The following NDRG2 variants were observed in gnomAD, a reference collection of about 807,000 sequenced individuals.
NDRG2 encodes protein NDRG2.
NDRG2 carries 34 observed loss-of-function variants against 58.2 expected under a neutral mutation model. That is an observed-to-expected ratio of 0.58 (90% CI 0.44 to 0.78). The LOEUF is 0.78. Among genes scored for constraint, NDRG2 ranks in the 30% least tolerant of loss-of-function variants. The pLI is 0.00. For synonymous variants in NDRG2, 187 were observed against 175.9 expected (o/e 1.06, Z -0.50); for missense variants, 434 against 471.2 (o/e 0.92, Z 0.73).
At chr14:21,046,301 G>C (rs1885141510) in intron 1 of NDRG2, among the ~76,000 whole-genome samples, 1 of 152,186 alleles carries the variant, frequency 6.6e-6, no homozygotes, top group Admixed American at 6.5e-5. Context: ...AACCAGAGCA[G>C]CTTACTTGAG....
chr14:21,049,751 TCA>T (rs1297553236), intron 1 of NDRG2, among the ~76,000 whole-genome samples: 1 of 151,608 alleles, frequency 6.6e-6, no homozygotes, highest in African/African-American at 2.4e-5. Flanking sequence ...CAAATGGATC[TCA>T]GACATCTTTC....
chr14:21,051,947 C>A (rs946172266), intron 1 of NDRG2, among the ~76,000 whole-genome samples: 10 of 152,164 alleles, frequency 6.6e-5, no homozygotes, highest in Admixed American at 1.3e-4. Flanking sequence ...AAGAATGGGT[C>A]TTTGGGAGAT....
chr14:21,068,137 C>A lies in NDRG2; in HGVS notation c.24+2691G>T, dbSNP rs1029121260. Among the ~76,000 whole-genome samples the A allele has an allele frequency of 1.0e-3, 51 of 48,690 alleles. 20 individuals carry two copies. The highest frequency in any genetic ancestry group is 3.8e-3 in the Admixed American group (11 of 2,876). 31.9% of individuals were successfully genotyped at this position (48,690 alleles called of 152,430 possible). ...GCCTCAGCCTCCCGAGTAGCTGGGA[C>A]TACAGGCGCCCGCTACCACGCCCGG... On this transcript the variant is annotated intron_variant, in intron 1 of 14. Coordinates refer to the NDRG2 transcript ENST00000403829.
chr14:21,046,055 G>T (rs1239957554), intron 1 of NDRG2, among the ~76,000 whole-genome samples: 1 of 152,088 alleles, frequency 6.6e-6, no homozygotes, highest in African/African-American at 2.4e-5. Flanking sequence ...TTTCAAATAT[G>T]TATACTTCTT....
chr14:21,022,188 G>A lies in NDRG2; in HGVS notation c.224-6C>T. Reference sequence around the variant, plus strand: ...TGGCTGGAAGCAAGATTTATCTAAAGAGAACCCACATCACCTCAACAATAG... The same window carrying A: ...TGGCTGGAAGCAAGATTTATCTAAAAAGAACCCACATCACCTCAACAATAG... On this transcript the variant is annotated splice_region_variant and splice_polypyrimidine_tract_variant and intron_variant, in intron 4 of 15. Coordinates refer to ENST00000556147, the MANE Select transcript of NDRG2 (RefSeq NM_001320329.2). 1 of 1,614,150 alleles carries A rather than the reference G, an allele frequency of 6.2e-7. No individual in the cohort carries two copies.
upstream of NDRG2, among the ~76,000 whole-genome samples, chr14:21,028,135 T>C (rs1883818848): frequency 6.6e-6 from 1 of 152,200 alleles, no homozygotes; most frequent in South Asian, 2.1e-4. Context: ...CTCCAGGGAC[T>C]ATGCTCCTTC....
intron 1 of NDRG2, among the ~76,000 whole-genome samples, chr14:21,049,278 T>G (rs373371165): frequency 9.8e-5 from 15 of 152,324 alleles, no homozygotes; most frequent in Admixed American, 7.2e-4. Context: ...TTTCCCACCC[T>G]CTGATTCAGC....
At chr14:21,041,047 A>G (rs1884873799) in intron 1 of NDRG2, among the ~76,000 whole-genome samples, 1 of 152,082 alleles carries the variant, frequency 6.6e-6, no homozygotes, top group African/African-American at 2.4e-5. Flanking sequence ...GCTGGAGTGC[A>G]GTGGTGCAAT....
At chr14:21,018,976 AG>A (rs1361794526) in intron 11 of NDRG2, 139 bp downstream of exon 11, 80 of 1,248,104 alleles carry the variant, frequency 6.4e-5, no homozygotes, top group Non-Finnish European at 8.8e-5. Context: ...GAAGACCTAG[AG>A]GGAAGTGATT....
At chr14:21,022,237 C>G in intron 4 of NDRG2, 55 bp from the exon 5 acceptor site, 1 of 1,612,786 alleles carries the variant, frequency 6.2e-7, no homozygotes, top group Non-Finnish European at 8.5e-7. Context: ...CTCGTGTCCC[C>G]CAGTCAGAAC....
upstream of NDRG2, chr14:21,030,817 G>A (rs1884042221): frequency 1.3e-6 from 2 of 1,574,038 alleles, no homozygotes; most frequent in Admixed American, 3.5e-5. Context: ...GGCCACGGAA[G>A]GGTTCACGTG....
Position 21,017,508 on chromosome 14 carries a change from T to C in NDRG2, c.*88A>G. 1 of 1,427,788 alleles carries C rather than the reference T, an allele frequency of 7.0e-7. No homozygotes were observed. The highest frequency in any genetic ancestry group is 9.5e-7 in the Non-Finnish European group (1 of 1,057,544). The allele number at this position is 1,427,788 out of a possible 1,614,324, so 88.4% of individuals were successfully genotyped here. On this transcript the variant is annotated 3_prime_UTR_variant, in exon 16 of 16. Transcript: ENST00000556147. ...CATGATCTGCCCTTTTTCCCTTGCTTACGGTGGCCCAATGCCCCTTCAGCA... is the reference window on the plus strand; with the variant it reads ...CATGATCTGCCCTTTTTCCCTTGCTCACGGTGGCCCAATGCCCCTTCAGCA...
chr14:21,018,461 A>G lies in NDRG2; in HGVS notation c.857T>C (p.Leu286Pro), dbSNP rs751014851. 1 of 1,613,978 alleles carries G rather than the reference A, an allele frequency of 6.2e-7. No homozygotes were observed. The highest frequency in any genetic ancestry group is 8.5e-7 in the Non-Finnish European group (1 of 1,179,942). The change falls in exon 13 of 16, where the codon CTC becomes CCC. Residue 286 changes from leucine to proline, a missense_variant. By Grantham distance (98) the Leu-to-Pro change is moderately conservative. Transcript: ENST00000556147. ...SKLDPTQTSF[L>P]KMADSGGQPQ... ...GCCCAGGAACAGGTTACTGACCTTG[A>G]GGAACGAGGTCTGGGTGGGGTCCAG... is the stretch of plus-strand genomic sequence containing the variant.
Position 21,017,614 on chromosome 14 carries a change from G to A in NDRG2, c.1098C>T (p.Thr366=). 1 of 1,613,778 alleles carries A rather than the reference G, an allele frequency of 6.2e-7. No homozygotes were observed. Among genetic ancestry groups the A allele is most frequent in the African/African-American group, 1.3e-5 (1 of 75,052 alleles). The change falls in exon 16 of 16, where the codon ACC becomes ACT. Residue 366 remains threonine (T), a synonymous_variant. Transcript: ENST00000556147. ...GTLSSGPPGH[T]MEVSC is the part of the protein sequence containing the mutation. ...GGGCCATTCAACAGGAGACCTCCAT[G>A]GTGTGCCCCGGGGGCCCCGAAGAAA...
chr14:21,018,144 G>A, intron 14 of NDRG2, 60 bp downstream of exon 14: 1 of 1,606,548 alleles, frequency 6.2e-7, no homozygotes, highest in Non-Finnish European at 8.5e-7. Context: ...AAAGGGCAGA[G>A]CCCAGTGCCA....
At chr14:21,028,578 A>G (rs993222461), upstream of NDRG2, 1 of 152,156 alleles carries the variant, frequency 6.6e-6, no homozygotes, top group African/African-American at 2.4e-5. Context: ...AGTTAGTTGT[A>G]TAGGTCCTTG....
At chr14:21,022,711 G>A (rs541252775) in intron 3 of NDRG2, 153 bp downstream of exon 3, 4 of 708,190 alleles carry the variant, frequency 5.6e-6, no homozygotes, top group South Asian at 3.8e-5. Context: ...GAAGAGGAGG[G>A]GAAGGAAGGA....
At chr14:21,031,983 G>A in intron 1 of NDRG2, 1 of 1,614,176 alleles carries the variant, frequency 6.2e-7, no homozygotes, top group South Asian at 1.1e-5. Context: ...AGTGGCAAGG[G>A]CAAGGGCATT....
rs1227087256 is a variant in NDRG2 at position 21,043,808 on chromosome 14, G to T, written c.25-20487C>A. ...GGAAAGGGGGCATATGGGATTTGTG[G>T]ACACAGCTGTTTCTGTTCCTGAACT... On this transcript the variant is annotated intron_variant, in intron 1 of 14. Coordinates refer to the NDRG2 transcript ENST00000403829. 3 of 230,728 alleles carry T rather than the reference G, an allele frequency of 1.3e-5. No individual in the cohort carries two copies. The South Asian group carries it at 3.1e-4, about 24-fold the overall frequency. The allele number at this position is 230,728 out of a possible 1,614,324, so 14.3% of individuals were successfully genotyped here.
Sources: gnomAD v4.1 joint callset for allele counts (sites outside exome capture counted in the v4.1 genomes callset) on GRCh38, gnomAD v4.1.1 for gene constraint, MANE v1.5 for transcripts, NCBI Gene and HGNC (gene_info 2026-07-23, HGNC 2026-07-21) for gene names.